DNAJB12: variants seen among roughly 807,000 people sequenced by gnomAD.
DNAJB12 encodes DnaJ heat shock protein family (Hsp40) member B12, also known as dnaJ homolog subfamily B member 12.
A neutral mutation model predicts 40.6 loss-of-function variants in DNAJB12; 14 were observed. The observed-to-expected ratio is 0.34, with a 90% confidence interval of 0.23 to 0.54. The LOEUF (loss-of-function observed/expected upper bound fraction) is 0.54, where lower values mean the gene tolerates loss of function less well. Ranked by LOEUF, DNAJB12 falls within the 20% of genes least tolerant of loss-of-function variation. The pLI is 0.92. For synonymous variants in DNAJB12, 181 were observed against 199.5 expected (o/e 0.91, Z 0.78); for missense variants, 444 against 501.7 (o/e 0.89, Z 1.10).
intron 1 of DNAJB12, among the ~76,000 whole-genome samples, chr10:72,348,512 A>C (rs953838912): frequency 6.6e-6 from 1 of 152,256 alleles, no homozygotes; most frequent in Admixed American, 6.5e-5. Flanking sequence ...TGCTGGCCTG[A>C]AGACGCCATG....
At chr10:72,351,128 C>T (rs1475048751) in intron 1 of DNAJB12, among the ~76,000 whole-genome samples, 2 of 152,304 alleles carry the variant, frequency 1.3e-5, no homozygotes, top group East Asian at 1.9e-4. Flanking sequence ...CAAATGCTCT[C>T]GTGAGCTCCC....
At chr10:72,346,243 A>C (rs1861784182) in intron 1 of DNAJB12, among the ~76,000 whole-genome samples, 3 of 152,116 alleles carry the variant, frequency 2.0e-5, no homozygotes, top group African/African-American at 4.8e-5. Context: ...AGCTCACTAC[A>C]ACCTCTACCT....
In DNAJB12 at chr10:72,335,200, G is replaced by C; in HGVS notation, c.*30+580C>G. The C allele has an allele frequency of 1.0e-6, 1 of 986,610 alleles. No individual in the cohort carries two copies. The highest frequency in any genetic ancestry group is 4.7e-5 in the South Asian group (1 of 21,494). 61.1% of individuals were successfully genotyped at this position (986,610 alleles called of 1,614,324 possible). A position where few individuals can be genotyped will look rare whatever the true frequency, so the allele number is the denominator to read the frequency against. On this transcript the variant is annotated intron_variant, in intron 8 of 8. Transcript: ENST00000444643. This position sits in a 1 kb window ranked among gnomAD's most constrained non-coding sequence, Gnocchi z 4.4. ...CCAGAGGGGGGTGGTCAGGGCCCGCGGCCCCTGCCGCCACCAAGACTGCCA... is the reference window on the plus strand; with the variant it reads ...CCAGAGGGGGGTGGTCAGGGCCCGCCGCCCCTGCCGCCACCAAGACTGCCA...
At chr10:72,347,355 C>T (rs1015953020) in intron 1 of DNAJB12, among the ~76,000 whole-genome samples, 8 of 152,142 alleles carry the variant, frequency 5.3e-5, no homozygotes, top group African/African-American at 1.2e-4. Context: ...AAGGGGACCC[C>T]GCTTAGCAGG....
intron 7 of DNAJB12, 98 bp from the exon 8 acceptor site, chr10:72,336,029 A>T (rs1025034036): frequency 2.7e-6 from 4 of 1,499,982 alleles, no homozygotes; most frequent in Non-Finnish European, 3.7e-6. Flanking sequence ...AAGCTGGTAC[A>T]TGCCCGGGGC....
rs140605815 is a variant in DNAJB12 at position 72,335,915 on chromosome 10, G to A, written c.1023C>T (p.Tyr341=). ...KEKQQKEGLL[Y]RARYFGDTDM... ...CTGTGTCGCCAAAGTAGCGTGCCCGGTACAGCAAGCCTTCCTCTGCAAAGC... is the reference window on the plus strand; with the variant it reads ...CTGTGTCGCCAAAGTAGCGTGCCCGATACAGCAAGCCTTCCTCTGCAAAGC... The change falls in exon 8 of 9, where the codon TAC becomes TAT. Residue 341 remains tyrosine (Y), a synonymous_variant. Coordinates refer to ENST00000444643, the MANE Select transcript of DNAJB12 (RefSeq NM_017626.7). The surrounding 1 kb of genome is among the most constrained non-coding windows in gnomAD (Gnocchi z 4.4). The A allele has an allele frequency of 1.9e-6, 3 of 1,614,004 alleles. No individual in the cohort carries two copies. The African/African-American group carries it at 4.0e-5, about 22-fold the overall frequency.
chr10:72,351,700 T>A (rs968116919), intron 1 of DNAJB12, among the ~76,000 whole-genome samples: 2 of 152,254 alleles, frequency 1.3e-5, no homozygotes, highest in African/African-American at 2.4e-5. Flanking sequence ...CCTGCCATTG[T>A]GCCTGCAGCA....
intron 1 of DNAJB12, among the ~76,000 whole-genome samples, chr10:72,348,447 G>A (rs1176398087): frequency 6.6e-6 from 1 of 152,224 alleles, no homozygotes; most frequent in Admixed American, 6.5e-5. Flanking sequence ...ATCCCTCTGT[G>A]CTAAGGAAGG....
chr10:72,336,217 CA>C (rs1221958796), intron 7 of DNAJB12, among the ~76,000 whole-genome samples: 1 of 152,228 alleles, frequency 6.6e-6, no homozygotes, highest in Non-Finnish European at 1.5e-5. Context: ...GGAGCACAGT[CA>C]GGGGGTGGCC....
At chr10:72,334,704 ACTGCACCG>A (rs1398350324) in intron 8 of DNAJB12, 87 bp from the exon 9 acceptor site, 95 of 1,471,546 alleles carry the variant, frequency 6.5e-5, no homozygotes, top group Admixed American at 5.4e-4. Context: ...CCCCCTTGCC[ACTGCACCG>A]CTGCACCGTG....
chr10:72,349,079 A>T (rs1861871377), intron 1 of DNAJB12, among the ~76,000 whole-genome samples: 2 of 152,254 alleles, frequency 1.3e-5, no homozygotes, highest in Admixed American at 1.3e-4. Context: ...TGCAAGCAAA[A>T]GCATAGAAGA....
chr10:72,335,162 G>GC lies in DNAJB12; in HGVS notation c.*31-546dup. ...CAGGTGTGACGGCATTCGAGAGAGT[G>GC]CCTCAGATCCCACCAGAGGGGGGTG... On this transcript the variant is annotated intron_variant, in intron 8 of 8. Transcript: ENST00000444643. The surrounding 1 kb of genome is among the most constrained non-coding windows in gnomAD (Gnocchi z 4.4). 1 of 988,158 alleles carries GC rather than the reference G, an allele frequency of 1.0e-6. No homozygotes were observed. The highest frequency in any genetic ancestry group is 1.2e-6 in the Non-Finnish European group (1 of 831,244). 61.2% of individuals were successfully genotyped at this position (988,158 alleles called of 1,614,324 possible).
rs1280587892 is a variant in DNAJB12, at chr10:72,336,607, G to A, written c.923C>T (p.Ser308Phe). ...GDTFSEEYTGSSLKTVERNVE... is the reference protein window; with the variant it reads ...GDTFSEEYTGFSLKTVERNVE... ...ATTCCGCTCGACTGTTTTGAGGCTG[G>A]AGCCTGTGTACTCTTCGGAGAAAGT... is the stretch of plus-strand genomic sequence containing the variant. The change falls in exon 7 of 9, where the codon TCC becomes TTC. Residue 308 changes from serine (S) to phenylalanine (F), a missense_variant. By Grantham distance (155) the Ser-to-Phe change is radical. Transcript: ENST00000444643. 3 of 1,614,184 alleles carry A rather than the reference G, an allele frequency of 1.9e-6. No individual in the cohort carries two copies. The highest frequency in any genetic ancestry group is 2.5e-6 in the Non-Finnish European group (3 of 1,180,010).
intron 6 of DNAJB12, 22 bp from the exon 7 acceptor site, chr10:72,336,718 A>T (rs1170287273): frequency 6.2e-7 from 1 of 1,610,838 alleles, no homozygotes. Context: ...TACCAGGTTC[A>T]AAGTGGGTGC....
At chr10:72,340,514 C>G (rs1021340793) in intron 5 of DNAJB12, among the ~76,000 whole-genome samples, 11 of 152,272 alleles carry the variant, frequency 7.2e-5, no homozygotes, top group Admixed American at 6.5e-4. Flanking sequence ...ACACTCAAAC[C>G]TGGCTGTGGG....
intron 3 of DNAJB12, 77 bp from the exon 4 acceptor site, chr10:72,341,247 C>T (rs1564819947): frequency 7.1e-7 from 1 of 1,415,180 alleles, no homozygotes; most frequent in Non-Finnish European, 9.7e-7. Context: ...CGAGTGCTCA[C>T]TTTTCTCAGG....
intron 1 of DNAJB12, 89 bp downstream of exon 1, chr10:72,354,675 TC>T (rs375580939): frequency 9.9e-7 from 1 of 1,008,046 alleles, no homozygotes; most frequent in Non-Finnish European, 1.4e-6. Context: ...TCGCCACCCC[TC>T]CCCCTCCCCC....
chr10:72,344,885 A>G (rs1378270819), intron 2 of DNAJB12, 65 bp downstream of exon 2: 1 of 1,585,256 alleles, frequency 6.3e-7, no homozygotes, highest in African/African-American at 1.3e-5. Context: ...GGTGGAGGAC[A>G]TGCTCCAGGA....
rs1249278911 is a variant in DNAJB12, at chr10:72,334,337, G to A, written c.*311C>T. 2.9e-5 allele frequency: 15 copies of A among 519,040 alleles called. No individual in the cohort carries two copies. Among genetic ancestry groups the A allele is most frequent in the South Asian group, 2.5e-4 (11 of 43,622 alleles). The allele number at this position is 519,040 out of a possible 1,614,324, so 32.2% of individuals were successfully genotyped here. A position where few individuals can be genotyped will look rare whatever the true frequency, so the allele number is the denominator to read the frequency against. ...AGCCCTTCCCACTGATATCTGCTGC[G>A]AGTTTTACATTCTACTTTCGTTGCC... On this transcript the variant is annotated 3_prime_UTR_variant, in exon 9 of 9. Coordinates refer to ENST00000444643, the MANE Select transcript of DNAJB12 (RefSeq NM_017626.7).
Sources: allele counts gnomAD v4.1 joint callset (sites outside exome capture counted in the v4.1 genomes callset), GRCh38; gene constraint gnomAD v4.1.1; non-coding constraint Gnocchi (gnomAD v3.1); transcripts MANE v1.5; gene names NCBI Gene and HGNC (gene_info 2026-07-23, HGNC 2026-07-21).